GPATCH1: variants seen among roughly 807,000 people sequenced by gnomAD.
The protein encoded by GPATCH1 is G patch domain-containing protein 1.
A neutral mutation model predicts 114.9 loss-of-function variants in GPATCH1; 73 were observed. The observed-to-expected ratio is 0.64, with a 90% CI of 0.53 to 0.77. The LOEUF is 0.77. Among genes scored for constraint, GPATCH1 ranks in the 30% least tolerant of loss-of-function variants. The pLI, the probability that GPATCH1 is intolerant of heterozygous loss-of-function variation, is 0.00. For synonymous variants in GPATCH1, 391 were observed against 428.4 expected (o/e 0.91, Z 1.08); for missense variants, 1,058 against 1,144.3 (o/e 0.92, Z 1.09).
At chr19:33,126,945 C>T (rs1489171342) in intron 19 of GPATCH1, among the ~76,000 whole-genome samples, 1 of 151,184 alleles carries the variant, frequency 6.6e-6, no homozygotes, top group Non-Finnish European at 1.5e-5. Flanking sequence ...AGTGAGACCC[C>T]AGCTCTACAA....
chr19:33,083,113 G>T (rs544039034), intron 1 of GPATCH1, among the ~76,000 whole-genome samples: 4 of 151,026 alleles, frequency 2.6e-5, no homozygotes, highest in South Asian at 2.1e-4. Context: ...TGGTGGGGGG[G>T]GGCTCATGTA....
At chr19:33,105,847 C>CT (rs562289122) in intron 9 of GPATCH1, among the ~76,000 whole-genome samples, 88 of 145,364 alleles carry the variant, frequency 6.1e-4, no homozygotes, top group East Asian at 4.6e-3. Context: ...ATTTGTCTTT[C>CT]TTTTTTTTTT....
intron 11 of GPATCH1, among the ~76,000 whole-genome samples, 194 bp downstream of exon 11, chr19:33,110,210 C>T (rs1410194266): frequency 6.6e-6 from 1 of 152,174 alleles, no homozygotes; most frequent in Non-Finnish European, 1.5e-5. Flanking sequence ...GGCTTATGTT[C>T]CTCCATATCT....
At chr19:33,122,406 G>C (rs935259114) in intron 17 of GPATCH1, among the ~76,000 whole-genome samples, 1 of 150,790 alleles carries the variant, frequency 6.6e-6, no homozygotes, top group Non-Finnish European at 1.5e-5. Flanking sequence ...CTCACTGCAA[G>C]CTGCGCCTCC....
At chr19:33,116,612 C>T (rs372986892) in intron 15 of GPATCH1, among the ~76,000 whole-genome samples, 1 of 152,194 alleles carries the variant, frequency 6.6e-6, no homozygotes, top group Non-Finnish European at 1.5e-5. Context: ...TCACTGCAAG[C>T]TCCACCTCCC....
intron 19 of GPATCH1, among the ~76,000 whole-genome samples, chr19:33,128,343 C>T (rs1181791304): frequency 6.6e-6 from 1 of 152,198 alleles, no homozygotes; most frequent in Non-Finnish European, 1.5e-5. Flanking sequence ...TCACTGCAAG[C>T]TCCACCTCCT....
chr19:33,091,304 C>G (rs905503004), intron 3 of GPATCH1, among the ~76,000 whole-genome samples: 1 of 149,978 alleles, frequency 6.7e-6, no homozygotes, highest in African/African-American at 2.5e-5. Context: ...GTCCCAGCTA[C>G]TCGGGAGGCT....
chr19:33,123,447 A>T (rs1177927084), intron 17 of GPATCH1, among the ~76,000 whole-genome samples: 1 of 150,826 alleles, frequency 6.6e-6, no homozygotes, highest in Non-Finnish European at 1.5e-5. Context: ...AAGTTTTGGG[A>T]GGTTGAATTT....
At chr19:33,123,652 C>T (rs780929211) in intron 17 of GPATCH1, among the ~76,000 whole-genome samples, 55 of 151,552 alleles carry the variant, frequency 3.6e-4, no homozygotes, top group Non-Finnish European at 7.1e-4. Context: ...CTCGGGAAGC[C>T]GAGGTAGGAG....
chr19:33,095,877 A>T (rs1467576573), intron 6 of GPATCH1, 57 bp downstream of exon 6: 4 of 1,261,064 alleles, frequency 3.2e-6, no homozygotes, highest in Non-Finnish European at 4.6e-6. Flanking sequence ...TTTCTGTATG[A>T]CTGTGAAATT....
At chr19:33,110,053 G>T in intron 11 of GPATCH1, 37 bp downstream of exon 11, 2 of 1,532,552 alleles carry the variant, frequency 1.3e-6, no homozygotes, top group Non-Finnish European at 1.8e-6. Context: ...ATCTCGGCCC[G>T]GGCGGGGTCA....
chr19:33,116,034 G>A (rs1238344933), intron 15 of GPATCH1, among the ~76,000 whole-genome samples: 1 of 147,022 alleles, frequency 6.8e-6, no homozygotes, highest in East Asian at 2.0e-4. Flanking sequence ...TTTTCTCTTG[G>A]TATTTTTTTT....
chr19:33,129,462 G>A (rs1422423430), intron 19 of GPATCH1, among the ~76,000 whole-genome samples: 1 of 151,732 alleles, frequency 6.6e-6, no homozygotes, highest in African/African-American at 2.4e-5. Context: ...GCCCTGGAGT[G>A]AATGTATTTT....
intron 9 of GPATCH1, among the ~76,000 whole-genome samples, chr19:33,103,356 A>G (rs1277973102): frequency 6.6e-6 from 1 of 152,204 alleles, no homozygotes; most frequent in Non-Finnish European, 1.5e-5. Flanking sequence ...TATTATTACC[A>G]GAAATGTCAA....
intron 13 of GPATCH1, 53 bp from the exon 14 acceptor site, chr19:33,113,714 G>A (rs1308475107): frequency 1.9e-6 from 3 of 1,540,798 alleles, no homozygotes; most frequent in Non-Finnish European, 2.7e-6. Context: ...TTTTCAGGAG[G>A]TGGATTTTGT....
chr19:33,111,775 G>C lies in GPATCH1; in HGVS notation c.1637G>C (p.Arg546Pro), dbSNP rs766374487. ...AGCATGACAGAGTGGGAGCGAGGCCGTGAGCGGGATGAGTTTGCCCGGGCG... is the reference window on the plus strand; with the variant it reads ...AGCATGACAGAGTGGGAGCGAGGCCCTGAGCGGGATGAGTTTGCCCGGGCG... ...DPSMTEWERGRERDEFARAAL... is the reference protein window; with the variant it reads ...DPSMTEWERGPERDEFARAAL... The change falls in exon 12 of 20, where the codon CGT becomes CCT. Residue 546 changes from arginine to proline, a missense_variant. Transcript: ENST00000170564. 6.2e-7 allele frequency: 1 copy of C among 1,614,130 alleles called. No homozygotes were observed. Among genetic ancestry groups the C allele is most frequent in the Admixed American group, 1.7e-5 (1 of 60,018 alleles).
At chr19:33,092,916 C>T (rs199664883) in intron 3 of GPATCH1, among the ~76,000 whole-genome samples, 18 of 152,150 alleles carry the variant, frequency 1.2e-4, no homozygotes, top group South Asian at 6.2e-4. Flanking sequence ...AGGCGGGGCA[C>T]GGTGGCTCAT....
At position 33,130,255 on chromosome 19, in the gene GPATCH1, A is replaced by C; in HGVS notation, c.*95A>C. The C allele has an allele frequency of 2.6e-6, 2 of 755,612 alleles. No homozygotes were observed. The highest frequency in any genetic ancestry group is 4.4e-6 in the Non-Finnish European group (2 of 458,762). The allele number at this position is 755,612 out of a possible 1,614,324, so 46.8% of individuals were successfully genotyped here. On this transcript the variant is annotated 3_prime_UTR_variant, in exon 20 of 20. Coordinates refer to ENST00000170564, the MANE Select transcript of GPATCH1 (RefSeq NM_018025.3). ...AACGCATTGTACAGAGTGTATTTAT[A>C]TGTAAATTCCTGCTGTAAAATAATT...
At position 33,114,318 on chromosome 19, in the gene GPATCH1, T is replaced by G; in HGVS notation, c.2095T>G (p.Phe699Val). The G allele has an allele frequency of 6.2e-7, 1 of 1,613,472 alleles. No homozygotes were observed. The highest frequency in any genetic ancestry group is 1.3e-5 in the African/African-American group (1 of 74,994). Reference protein sequence around the residue: ...HEKKEDSISEFLSLARSKAEP... With the variant: ...HEKKEDSISEVLSLARSKAEP... ...AAAGAAAGAAGATTCCATTAGTGAATTTTTAAGTTTGGCTAGATCAAAAGC... is the reference window on the plus strand; with the variant it reads ...AAAGAAAGAAGATTCCATTAGTGAAGTTTTAAGTTTGGCTAGATCAAAAGC... The change falls in exon 15 of 20, where the codon TTT (phenylalanine) becomes GTT (valine). Residue 699 changes from phenylalanine to valine, a missense_variant. Transcript: ENST00000170564.
Sources: allele counts gnomAD v4.1 joint callset (sites outside exome capture counted in the v4.1 genomes callset), GRCh38; gene constraint gnomAD v4.1.1; transcripts MANE v1.5; gene names NCBI Gene and HGNC (gene_info 2026-07-23, HGNC 2026-07-21).